CD84: variants seen among roughly 807,000 people sequenced by gnomAD.
CD84 encodes the protein CD84 molecule.
Under a neutral mutation model 33.8 loss-of-function variants are expected in CD84, and 22 were observed. The ratio of observed to expected loss-of-function variants is 0.65; its 90% confidence interval spans 0.46 to 0.93. CD84 has a LOEUF of 0.93. Ranked by LOEUF, CD84 falls within the 40% of genes least tolerant of loss-of-function variation. The pLI, the probability that CD84 is intolerant of heterozygous loss-of-function variation, is 0.00. For synonymous variants in CD84, 154 were observed against 145.2 expected, an observed-to-expected ratio of 1.06 and a Z score of -0.44; for missense variants, 400 against 397.6, an observed-to-expected ratio of 1.01 and a Z score of -0.05.
chr1:160,565,198 A>G (rs1040637482), intron 2 of CD84, among the ~76,000 whole-genome samples: 1 of 123,286 alleles, frequency 8.1e-6, no homozygotes, highest in African/African-American at 3.9e-5. Context: ...CCAACTACTG[A>G]TGGAAGAATT....
chr1:160,566,797 G>A (rs933284483), intron 1 of CD84, among the ~76,000 whole-genome samples: 3 of 152,114 alleles, frequency 2.0e-5, no homozygotes, highest in African/African-American at 7.2e-5. Flanking sequence ...GAAAACTTAA[G>A]GATGAATACT....
At chr1:160,573,856 T>G (rs934943644) in intron 1 of CD84, among the ~76,000 whole-genome samples, 3 of 152,130 alleles carry the variant, frequency 2.0e-5, no homozygotes, top group Admixed American at 1.3e-4. Context: ...AACTAGTGGA[T>G]GATTATTAAA....
intron 6 of CD84, 90 bp from the exon 7 acceptor site, chr1:160,548,411 T>C (rs937658375): frequency 8.3e-5 from 111 of 1,329,598 alleles, no homozygotes; most frequent in Admixed American, 8.9e-5. Flanking sequence ...GTTAAGCAAA[T>C]GGCACGGGGG....
Position 160,548,139 on chromosome 1 carries a change from G to A in CD84, c.*117C>T. 9.5e-7 allele frequency: 1 copy of A among 1,050,254 alleles called. No homozygotes were observed. Among genetic ancestry groups the A allele is most frequent in the Non-Finnish European group, 1.5e-6 (1 of 687,454 alleles). 65.1% of individuals were successfully genotyped at this position (1,050,254 alleles called of 1,614,324 possible). ...GTTTCCTGCTTTGCTTACAGGCTGA[G>A]ATGTGGCAGTTTGCAATCTCCCAGT... On this transcript the variant is annotated 3_prime_UTR_variant, in exon 7 of 7. Transcript: ENST00000368054.
At chr1:160,579,351 T>C in intron 1 of CD84, 41 bp downstream of exon 1, 6 of 1,612,606 alleles carry the variant, frequency 3.7e-6, no homozygotes, top group Non-Finnish European at 5.1e-6. Context: ...TTTAAAACTT[T>C]ATGGAAAACT....
intron 4 of CD84, chr1:160,553,082 T>A (rs1408042743): frequency 3.5e-6 from 2 of 572,188 alleles, no homozygotes; most frequent in African/African-American, 3.8e-5. Context: ...GGCCCTGAGC[T>A]GGAAAGGTGA....
Position 160,545,474 on chromosome 1 carries a change from AC to A in CD84, c.*2781del, listed in dbSNP as rs1176119144. Reference sequence around the variant, plus strand: ...ACCAAGCCTCTTTCCTCCTTCCTGCACGTCTCTTCTTGGGGTGCTGTCTTTC... The same window carrying A: ...ACCAAGCCTCTTTCCTCCTTCCTGCAGTCTCTTCTTGGGGTGCTGTCTTTC... On this transcript the variant is annotated 3_prime_UTR_variant, in exon 7 of 7. Coordinates refer to ENST00000368054, the MANE Select transcript of CD84 (RefSeq NM_003874.4). 1 of 152,076 alleles carries A rather than the reference AC, an allele frequency of 6.6e-6. No homozygotes were observed. The highest frequency in any genetic ancestry group is 1.5e-5 in the Non-Finnish European group (1 of 68,064). 9.4% of individuals were successfully genotyped at this position (152,076 alleles called of 1,614,324 possible).
chr1:160,558,998 A>G (rs184306367), intron 2 of CD84, among the ~76,000 whole-genome samples: 63 of 152,358 alleles, frequency 4.1e-4, no homozygotes, highest in African/African-American at 1.4e-3. Context: ...GACCAAACCT[A>G]TGACCAATTG....
In CD84 at chr1:160,565,427, TTGG is replaced by T. The variant is rs1557979867; in HGVS notation, c.362_364del (p.Thr121del). 1.9e-6 allele frequency: 3 copies of T among 1,607,954 alleles called. No homozygotes were observed. The highest frequency in any genetic ancestry group is 2.2e-5 in the East Asian group (1 of 44,792). ...ACGATAGATTTGCAGGTTGTAGCGC[TTGG>T]TGGTGGTGTAGGGATCAGCCTGTGT... On this transcript the variant is annotated inframe_deletion, in exon 2 of 7. Transcript: ENST00000368054.
chr1:160,570,988 G>A (rs1047679241), intron 1 of CD84: 3 of 152,366 alleles, frequency 2.0e-5, no homozygotes, highest in Admixed American at 6.5e-5. Flanking sequence ...TGAGTCATGA[G>A]GAGGAAGCCA....
chr1:160,546,581 G>C lies in CD84; in HGVS notation c.*1675C>G, dbSNP rs1655842812. On this transcript the variant is annotated 3_prime_UTR_variant, in exon 7 of 7. Transcript: ENST00000368054. ...GCAAGGGACTGTGAGCATGCATGGT[G>C]CATCTGGAGAGGTGCTCTGAATACA... 3 of 152,298 alleles carry C rather than the reference G, an allele frequency of 2.0e-5. No homozygotes were observed. Among genetic ancestry groups the C allele is most frequent in the Admixed American group, 2.0e-4 (3 of 15,286 alleles). 9.4% of individuals were successfully genotyped at this position (152,298 alleles called of 1,614,324 possible).
chr1:160,557,958 T>C (rs1656714647), intron 2 of CD84, among the ~76,000 whole-genome samples: 1 of 152,208 alleles, frequency 6.6e-6, no homozygotes, highest in South Asian at 2.1e-4. Context: ...TAGCCAGGGT[T>C]ATACAGACAG....
rs914863511 is a variant in CD84, at chr1:160,543,493, A to G, written c.*4763T>C. ...TTAATTTCTACTTTACAAGGCTGTCATGAGTATTGACAACAATGTATGAAG... is the reference window on the plus strand; with the variant it reads ...TTAATTTCTACTTTACAAGGCTGTCGTGAGTATTGACAACAATGTATGAAG... On this transcript the variant is annotated 3_prime_UTR_variant, in exon 7 of 7. Transcript: ENST00000368054. 6.6e-6 allele frequency: 1 copy of G among 152,092 alleles called. No individual in the cohort carries two copies. The highest frequency in any genetic ancestry group is 2.4e-5 in the African/African-American group (1 of 41,434). 9.4% of individuals were successfully genotyped at this position (152,092 alleles called of 1,614,324 possible). A position where few individuals can be genotyped will look rare whatever the true frequency, so the allele number is the denominator to read the frequency against.
rs1220934478 is a variant in CD84 at position 160,545,551 on chromosome 1, C to G, written c.*2705G>C. On this transcript the variant is annotated 3_prime_UTR_variant, in exon 7 of 7. Transcript: ENST00000368054. ...TCAGCTGACCTCTTAGTTGGTCTGC[C>G]TAACTCTGAAAGTCTTCTCCCTCCA... is the stretch of plus-strand genomic sequence containing the variant. 2 of 152,210 alleles carry G rather than the reference C, an allele frequency of 1.3e-5. No individual in the cohort carries two copies. The highest frequency in any genetic ancestry group is 4.8e-5 in the African/African-American group (2 of 41,414). 9.4% of individuals were successfully genotyped at this position (152,210 alleles called of 1,614,324 possible).
rs1655534881 is a variant in CD84, at chr1:160,541,406, C to T, written c.*6850G>A. 6.6e-6 allele frequency: 1 copy of T among 152,086 alleles called. No homozygotes were observed. The highest frequency in any genetic ancestry group is 1.5e-5 in the Non-Finnish European group (1 of 68,020). 9.4% of individuals were successfully genotyped at this position (152,086 alleles called of 1,614,324 possible). A position where few individuals can be genotyped will look rare whatever the true frequency, so the allele number is the denominator to read the frequency against. ...CAGACACAAAACACAAAATTAGGCA[C>T]TCAGACAAAAAGCAACTTATTAGCC... On this transcript the variant is annotated 3_prime_UTR_variant, in exon 7 of 7. Transcript: ENST00000368054.
chr1:160,548,039 C>G lies in CD84; in HGVS notation c.*217G>C. ...ATACTAGGTAACCTGCTTTGTCATTCATTCAGAAGGGAGTCATTTCAGGAA... is the reference window on the plus strand; with the variant it reads ...ATACTAGGTAACCTGCTTTGTCATTGATTCAGAAGGGAGTCATTTCAGGAA... On this transcript the variant is annotated 3_prime_UTR_variant, in exon 7 of 7. Transcript: ENST00000368054. The G allele has an allele frequency of 1.7e-6, 1 of 576,360 alleles. No individual in the cohort carries two copies. Among genetic ancestry groups the G allele is most frequent in the South Asian group, 2.1e-5 (1 of 48,530 alleles). 35.7% of individuals were successfully genotyped at this position (576,360 alleles called of 1,614,324 possible).
intron 1 of CD84, among the ~76,000 whole-genome samples, chr1:160,567,216 C>T (rs182601135): frequency 1.1e-4 from 16 of 152,200 alleles, no homozygotes; most frequent in East Asian, 5.8e-4. Flanking sequence ...GCTTGGTATA[C>T]GGAAGAATAA....
intron 2 of CD84, among the ~76,000 whole-genome samples, chr1:160,562,027 G>C (rs746229528): frequency 7.2e-5 from 11 of 152,142 alleles, no homozygotes; most frequent in African/African-American, 2.7e-4. Flanking sequence ...CAAGGAAAGT[G>C]AAGGACCTCT....
chr1:160,542,458 A>G lies in CD84; in HGVS notation c.*5798T>C, dbSNP rs945312943. ...CGCTAAACTTGAGGTGACTTCTGACATCTATGCAGAGATGACCCATAAACT... is the reference window on the plus strand; with the variant it reads ...CGCTAAACTTGAGGTGACTTCTGACGTCTATGCAGAGATGACCCATAAACT... On this transcript the variant is annotated 3_prime_UTR_variant, in exon 7 of 7. Coordinates refer to ENST00000368054, the MANE Select transcript of CD84 (RefSeq NM_003874.4). The G allele has an allele frequency of 3.9e-5, 6 of 152,242 alleles. No individual in the cohort carries two copies. Among genetic ancestry groups the G allele is most frequent in the Non-Finnish European group, 8.8e-5 (6 of 68,046 alleles). The allele number at this position is 152,242 out of a possible 1,614,324, so 9.4% of individuals were successfully genotyped here. A position where few individuals can be genotyped will look rare whatever the true frequency, so the allele number is the denominator to read the frequency against.
Sources: gnomAD v4.1 joint callset for allele counts (sites outside exome capture counted in the v4.1 genomes callset) on GRCh38, gnomAD v4.1.1 for gene constraint, MANE v1.5 for transcripts, NCBI Gene and HGNC (gene_info 2026-07-23, HGNC 2026-07-21) for gene names.